Variants in SHANK2 observed in about 807,000 individuals in gnomAD.
SHANK2 encodes the protein SH3 and multiple ankyrin repeat domains protein 2.
In SHANK2, 43 loss-of-function variants were observed where a neutral mutation model predicts 133.7. That is an observed-to-expected ratio of 0.32 (90% CI 0.25 to 0.41). The LOEUF is 0.41. Ranked by LOEUF, SHANK2 falls within the 10% of genes least tolerant of loss-of-function variation. The probability of loss-of-function intolerance (pLI) is 1.00; values close to 1 mark genes in which losing one functional copy is unlikely to be tolerated. For missense variants in SHANK2, 1,994 were observed against 2,235.8 expected (o/e 0.89, Z 2.18); for synonymous variants, 1,017 against 952.8 (o/e 1.07, Z -1.24).
At chr11:70,609,524 G>A (rs956764445) in intron 17 of SHANK2, among the ~76,000 whole-genome samples, 34 of 152,116 alleles carry the variant, frequency 2.2e-4, no homozygotes, top group African/African-American at 7.5e-4. Flanking sequence ...AGCCCCATCC[G>A]TGATGGCCGA....
chr11:70,628,161 T>C (rs1431431030), intron 17 of SHANK2, among the ~76,000 whole-genome samples: 3 of 152,172 alleles, frequency 2.0e-5, no homozygotes, highest in African/African-American at 7.2e-5. Flanking sequence ...GGTTTCACCA[T>C]GTTGGCCAGG....
chr11:71,217,241 C>T (rs1374194418), intron 2 of SHANK2, among the ~76,000 whole-genome samples: 5 of 151,964 alleles, frequency 3.3e-5, no homozygotes, highest in Admixed American at 3.3e-4. Flanking sequence ...TGCAGTGGCT[C>T]ATGCCTGTAA....
chr11:70,556,865 G>A (rs1360832373), intron 17 of SHANK2, among the ~76,000 whole-genome samples: 2 of 151,752 alleles, frequency 1.3e-5, no homozygotes, highest in Non-Finnish European at 2.9e-5. Context: ...GTGAGCCATC[G>A]CTCCTGGCCT....
intron 12 of SHANK2, among the ~76,000 whole-genome samples, chr11:70,808,710 G>A (rs1948216413): frequency 6.6e-6 from 1 of 152,014 alleles, no homozygotes; most frequent in Non-Finnish European, 1.5e-5. Context: ...ACTCCAGCCT[G>A]GGTGACAGAG....
intron 17 of SHANK2, among the ~76,000 whole-genome samples, chr11:70,625,288 C>T (rs1477991975): frequency 6.6e-6 from 1 of 152,148 alleles, no homozygotes; most frequent in Non-Finnish European, 1.5e-5. Flanking sequence ...CCTTTGGTGT[C>T]CCGAGTCTTT....
At chr11:70,861,248 T>C (rs1350775532) in intron 11 of SHANK2, among the ~76,000 whole-genome samples, 1 of 152,152 alleles carries the variant, frequency 6.6e-6, no homozygotes, top group Non-Finnish European at 1.5e-5. Flanking sequence ...AATAAATGAG[T>C]CCCACACCTA....
intron 17 of SHANK2, among the ~76,000 whole-genome samples, chr11:70,588,254 C>T (rs1303200003): frequency 1.3e-5 from 2 of 152,170 alleles, no homozygotes; most frequent in Non-Finnish European, 1.5e-5. Flanking sequence ...TTAATGATCA[C>T]ACAATGGCCT....
At chr11:70,824,669 C>T (rs1948610020) in intron 11 of SHANK2, among the ~76,000 whole-genome samples, 1 of 152,098 alleles carries the variant, frequency 6.6e-6, no homozygotes, top group African/African-American at 2.4e-5. Flanking sequence ...GAGGGAAAAC[C>T]ATGTTGGTGC....
At chr11:71,104,047 C>T (rs1440981105) in intron 6 of SHANK2, among the ~76,000 whole-genome samples, 3 of 152,136 alleles carry the variant, frequency 2.0e-5, no homozygotes, top group African/African-American at 7.2e-5. Flanking sequence ...TCCTGTACAG[C>T]CTGCAGAACC....
intron 17 of SHANK2, among the ~76,000 whole-genome samples, chr11:70,530,702 A>G (rs1456340079): frequency 6.6e-6 from 1 of 152,174 alleles, no homozygotes; most frequent in Non-Finnish European, 1.5e-5. Flanking sequence ...AGAGACAGAA[A>G]GTAGAACAGT....
chr11:70,953,248 G>A (rs373158351), intron 10 of SHANK2, among the ~76,000 whole-genome samples: 3 of 151,992 alleles, frequency 2.0e-5, no homozygotes, highest in East Asian at 1.9e-4. Flanking sequence ...CCTCCCCTCC[G>A]AAGTGAGTGT....
At chr11:70,528,203 C>T (rs1170041548) in intron 17 of SHANK2, among the ~76,000 whole-genome samples, 3 of 152,226 alleles carry the variant, frequency 2.0e-5, no homozygotes, top group African/African-American at 7.2e-5. Context: ...GAGACCCCGT[C>T]CCCAGGCGTC....
chr11:71,160,916 G>A (rs1326635579), intron 2 of SHANK2, among the ~76,000 whole-genome samples: 1 of 152,212 alleles, frequency 6.6e-6, no homozygotes, highest in Non-Finnish European at 1.5e-5. Flanking sequence ...CTCCAAAGAA[G>A]ATGGCTTCCA....
intron 14 of SHANK2, among the ~76,000 whole-genome samples, chr11:70,780,675 C>T (rs1468398207): frequency 7.3e-5 from 11 of 150,694 alleles, no homozygotes; most frequent in African/African-American, 2.2e-4. Context: ...TGGGTTCAAG[C>T]GATTCTCCTG....
At position 71,060,653 on chromosome 11, in the gene SHANK2, C is replaced by T. The variant is rs987595942; in HGVS notation, c.1030-4095G>A. On this transcript the variant is annotated intron_variant, in intron 9 of 25. Transcript: ENST00000601538. ...AGGGGAGGGACAGATGCCCATGGAGCTGTCAGCCTGAGGCCCACAGGGCAG... is the reference window on the plus strand; with the variant it reads ...AGGGGAGGGACAGATGCCCATGGAGTTGTCAGCCTGAGGCCCACAGGGCAG... 9.2e-5 allele frequency among the ~76,000 whole-genome samples: 14 copies of T among 152,360 alleles called. No individual in the cohort carries two copies. The East Asian group carries it at 2.3e-3, about 25-fold the overall frequency.
At chr11:70,845,215 A>AGAAG (rs1465301081) in intron 11 of SHANK2, among the ~76,000 whole-genome samples, 37 of 149,346 alleles carry the variant, frequency 2.5e-4, no homozygotes, top group African/African-American at 9.1e-4. Context: ...AAAAAAAAAA[A>AGAAG]AAAAGAAAAA....
chr11:71,085,921 TAATAA>T (rs1951395169), intron 8 of SHANK2, among the ~76,000 whole-genome samples: 2 of 11,090 alleles, frequency 1.8e-4, no homozygotes, highest in Admixed American at 2.5e-3. Flanking sequence ...TAATATAACA[TAATAA>T]ATTGTTATAT....
At chr11:70,841,659 T>C (rs1219995867) in intron 11 of SHANK2, among the ~76,000 whole-genome samples, 3 of 152,206 alleles carry the variant, frequency 2.0e-5, no homozygotes, top group Admixed American at 2.0e-4. Context: ...CCGGGGCCCC[T>C]TTCCGTCTGC....
chr11:71,087,950 G>C (rs1951440779), intron 8 of SHANK2, among the ~76,000 whole-genome samples: 1 of 152,182 alleles, frequency 6.6e-6, no homozygotes, highest in Admixed American at 6.5e-5. Flanking sequence ...TTTTTACAAA[G>C]AGACGCCTCT....
Sources: gnomAD v4.1 joint callset for allele counts (sites outside exome capture counted in the v4.1 genomes callset) on GRCh38, gnomAD v4.1.1 for gene constraint, MANE v1.5 for transcripts, NCBI Gene and HGNC (gene_info 2026-07-23, HGNC 2026-07-21) for gene names.